Variants in DNAI1 observed in about 807,000 individuals in gnomAD.
DNAI1 encodes the protein dynein, axonemal, intermediate polypeptide 1.
A neutral mutation model predicts 92.0 loss-of-function variants in DNAI1; 67 were observed. The ratio of observed to expected loss-of-function variants is 0.73; its 90% confidence interval spans 0.60 to 0.89. The LOEUF (loss-of-function observed/expected upper bound fraction) is 0.89. DNAI1 is among the 40% of genes least tolerant of loss of function. DNAI1 has a pLI of 0.00. For synonymous variants in DNAI1, 323 were observed against 319.6 expected (o/e 1.01, Z -0.11); for missense variants, 839 against 866.6 (o/e 0.97, Z 0.40).
At position 34,512,411 on chromosome 9, in the gene DNAI1, G is replaced by A. The variant is rs780339388; in HGVS notation, c.1476G>A (p.Gln492=). The A allele has an allele frequency of 6.2e-7, 1 of 1,614,194 alleles. No homozygotes were observed. Among genetic ancestry groups the A allele is most frequent in the Non-Finnish European group, 8.5e-7 (1 of 1,180,034 alleles). The change falls in exon 15 of 20, where the codon CAG becomes CAA. Residue 492 remains glutamine, a synonymous_variant. Transcript: ENST00000242317. ...CCACGGAAGTTCCTGAGGGGTTGCA[G>A]CTGCACCCAGTGGGTAGGAGCCCCA... ...GSTTEVPEGL[Q]LHPVGCGTAF...
Position 34,506,765 on chromosome 9 carries a change from T to G in DNAI1, c.1202T>G (p.Val401Gly). The G allele has an allele frequency of 6.2e-7, 1 of 1,614,182 alleles. No individual in the cohort carries two copies. The highest frequency in any genetic ancestry group is 8.5e-7 in the Non-Finnish European group (1 of 1,180,050). The part of the protein sequence containing the change: ...IHVDHPYLVA[V>G]GHYDGNVAIY... ...GTGGACCACCCCTACCTGGTGGCAG[T>G]AGGCCACTATGACGGCAACGTGGCC... The change falls in exon 13 of 20, where the codon GTA becomes GGA. Residue 401 changes from valine (V) to glycine (G), a missense_variant. By Grantham distance (109) the Val-to-Gly change is moderately radical. Coordinates refer to ENST00000242317, the MANE Select transcript of DNAI1 (RefSeq NM_012144.4).
intron 2 of DNAI1, among the ~76,000 whole-genome samples, chr9:34,484,716 G>A (rs1203133085): frequency 6.6e-6 from 1 of 152,210 alleles, no homozygotes; most frequent in Non-Finnish European, 1.5e-5. Flanking sequence ...TGGTAGTTGG[G>A]AAGATAAAAT....
chr9:34,475,432 A>G (rs1168006775), intron 1 of DNAI1, among the ~76,000 whole-genome samples: 1 of 152,166 alleles, frequency 6.6e-6, no homozygotes, highest in Non-Finnish European at 1.5e-5. Context: ...AGCTGCTGAA[A>G]TCTAGTCATC....
Position 34,520,718 on chromosome 9 carries a change from C to G in DNAI1, c.2062C>G (p.Leu688Val), listed in dbSNP as rs768017295. The change falls in exon 20 of 20, where the codon CTG becomes GTG. Residue 688 changes from leucine to valine, a missense_variant. Transcript: ENST00000242317. Reference sequence around the variant, plus strand: ...TGTGGAGATTGCGAAACTGGACAAACTGCTGAACCTGGTGAGGGAAGTGAA... The same window carrying G: ...TGTGGAGATTGCGAAACTGGACAAAGTGCTGAACCTGGTGAGGGAAGTGAA... ...PAVEIAKLDK[L>V]LNLVREVKIK... 1 of 1,551,720 alleles carries G rather than the reference C, an allele frequency of 6.4e-7. No homozygotes were observed. Among genetic ancestry groups the G allele is most frequent in the South Asian group, 1.2e-5 (1 of 84,064 alleles).
intron 1 of DNAI1, among the ~76,000 whole-genome samples, chr9:34,462,282 C>T (rs1171116798): frequency 6.6e-6 from 1 of 152,158 alleles, no homozygotes. Flanking sequence ...CACTGTTTAT[C>T]TCCTCTAAGC....
chr9:34,517,142 T>C (rs1349078107), intron 18 of DNAI1, 143 bp from the exon 19 acceptor site: 6 of 828,206 alleles, frequency 7.2e-6, no homozygotes, highest in Admixed American at 2.3e-5. Flanking sequence ...AGACACAAAA[T>C]TCCCCCTCCC....
Position 34,506,832 on chromosome 9 carries a change from C to T in DNAI1, c.1269C>T (p.Cys423=), listed in dbSNP as rs2132076997. Residue 423 remains cysteine (C), a synonymous_variant, in exon 13 of 20, where the codon TGC becomes TGT. Coordinates refer to ENST00000242317, the MANE Select transcript of DNAI1 (RefSeq NM_012144.4). The part of the protein sequence containing the change: ...LKKPHSQPSF[C]SSAKSGKHSD... Reference sequence around the variant, plus strand: ...AGCCCCACTCCCAGCCCTCCTTCTGCAGCTCAGCCAAGTCTGGCAAGCACT... The same window carrying T: ...AGCCCCACTCCCAGCCCTCCTTCTGTAGCTCAGCCAAGTCTGGCAAGCACT... 6.2e-7 allele frequency: 1 copy of T among 1,614,168 alleles called. No homozygotes were observed. Among genetic ancestry groups the T allele is most frequent in the Non-Finnish European group, 8.5e-7 (1 of 1,180,040 alleles).
chr9:34,484,843 C>T (rs1395081012), intron 2 of DNAI1, among the ~76,000 whole-genome samples: 2 of 152,186 alleles, frequency 1.3e-5, no homozygotes, highest in African/African-American at 4.8e-5. Context: ...TTACAGAAGG[C>T]AGTAGGGAGG....
At position 34,497,113 on chromosome 9, in the gene DNAI1, A is replaced by G. The variant is rs2132068900; in HGVS notation, c.817-2A>G. The G allele has an allele frequency of 6.2e-7, 1 of 1,613,634 alleles. No homozygotes were observed. The highest frequency in any genetic ancestry group is 8.5e-7 in the Non-Finnish European group (1 of 1,179,508). On this transcript the variant is annotated splice_acceptor_variant, in intron 9 of 19. Coordinates refer to ENST00000242317, the MANE Select transcript of DNAI1 (RefSeq NM_012144.4). LOFTEE classifies it high-confidence loss of function. ...GGACCTGAAGTTTCTGTATCCCCAC[A>G]GACTGATGATCTCATCAAATTGTCC... is the stretch of plus-strand genomic sequence containing the variant.
At chr9:34,499,801 A>C (rs1026676156) in intron 10 of DNAI1, among the ~76,000 whole-genome samples, 1 of 152,334 alleles carries the variant, frequency 6.6e-6, no homozygotes, top group Middle Eastern at 3.4e-3. Context: ...GGACACGGAC[A>C]GCTGACTAGA....
At chr9:34,463,336 A>G (rs1823983338) in intron 1 of DNAI1, among the ~76,000 whole-genome samples, 1 of 152,242 alleles carries the variant, frequency 6.6e-6, no homozygotes, top group African/African-American at 2.4e-5. Context: ...AGTTAATCAA[A>G]TAACCCATGG....
At chr9:34,474,994 C>T (rs192575582) in intron 1 of DNAI1, among the ~76,000 whole-genome samples, 2 of 152,314 alleles carry the variant, frequency 1.3e-5, no homozygotes, top group African/African-American at 2.4e-5. Flanking sequence ...GGCACTACCA[C>T]AACAATGTAT....
In DNAI1 at chr9:34,506,673, G is replaced by A. The variant is rs2132076725; in HGVS notation, c.1110G>A (p.Leu370=). ...GGGGCATGCTGCTGCTCTACAGCCT[G>A]AAGAACCCCAGCTTCCCTGAGTACA... ...QSRGMLLLYS[L]KNPSFPEYMF... Residue 370 remains leucine, a synonymous_variant, in exon 13 of 20, where the codon CTG becomes CTA. Transcript: ENST00000242317. The A allele has an allele frequency of 6.2e-7, 1 of 1,614,188 alleles. No homozygotes were observed. Among genetic ancestry groups the A allele is most frequent in the Non-Finnish European group, 8.5e-7 (1 of 1,180,048 alleles).
intron 8 of DNAI1, 88 bp downstream of exon 8, chr9:34,491,642 G>T (rs1162819358): frequency 7.0e-7 from 1 of 1,425,820 alleles, no homozygotes; most frequent in East Asian, 2.4e-5. Context: ...ACTGGGTCAA[G>T]GGCTCCTCTG....
At chr9:34,491,700 C>CCTGG in intron 8 of DNAI1, 146 bp downstream of exon 8, 1 of 880,562 alleles carries the variant, frequency 1.1e-6, no homozygotes, top group Non-Finnish European at 1.9e-6. Flanking sequence ...CTGTCCTGAG[C>CCTGG]ATCCAGGCTC....
At chr9:34,492,025 G>C (rs1023175838) in intron 8 of DNAI1, among the ~76,000 whole-genome samples, 1 of 152,126 alleles carries the variant, frequency 6.6e-6, no homozygotes, top group Admixed American at 6.5e-5. Flanking sequence ...GGTGCCAGGA[G>C]ACCTGATCTC....
intron 1 of DNAI1, among the ~76,000 whole-genome samples, chr9:34,462,110 C>T (rs569831315): frequency 6.6e-6 from 1 of 152,290 alleles, no homozygotes; most frequent in Non-Finnish European, 1.5e-5. Context: ...TTGTTGCTTT[C>T]AGGATAAAGT....
chr9:34,484,598 A>G (rs563170180), intron 2 of DNAI1, among the ~76,000 whole-genome samples: 1 of 152,332 alleles, frequency 6.6e-6, no homozygotes, highest in Non-Finnish European at 1.5e-5. Context: ...TTAAGTGTCT[A>G]CCAGGGAAAG....
rs1327893131 is a variant in DNAI1, at chr9:34,517,364, C to T, written c.1898C>T (p.Thr633Ile). 22 of 1,614,060 alleles carry T rather than the reference C, an allele frequency of 1.4e-5. No individual in the cohort carries two copies. Among genetic ancestry groups the T allele is most frequent in the African/African-American group, 2.7e-5 (2 of 74,916 alleles). The change falls in exon 19 of 20, where the codon ACC (threonine) becomes ATC (isoleucine). Residue 633 changes from threonine (T) to isoleucine (I), a missense_variant. Thr to Ile is a moderately conservative substitution (Grantham distance 89). Coordinates refer to ENST00000242317, the MANE Select transcript of DNAI1 (RefSeq NM_012144.4). Reference protein sequence around the residue: ...QPVAAKKNRLTHVQFNLIHPI... With the variant: ...QPVAAKKNRLIHVQFNLIHPI... Reference sequence around the variant, plus strand: ...GTGGCGGCCAAAAAGAACAGGCTCACCCACGTGCAGTTCAATCTCATCCAC... The same window carrying T: ...GTGGCGGCCAAAAAGAACAGGCTCATCCACGTGCAGTTCAATCTCATCCAC...
Sources: allele counts gnomAD v4.1 joint callset (sites outside exome capture counted in the v4.1 genomes callset), GRCh38; gene constraint gnomAD v4.1.1; transcripts MANE v1.5; gene names NCBI Gene and HGNC (gene_info 2026-07-23, HGNC 2026-07-21).